Variants in PCDHA9 observed in about 807,000 individuals in gnomAD.
The protein encoded by PCDHA9 is protocadherin alpha-9.
Under a neutral mutation model 62.0 loss-of-function variants are expected in PCDHA9, and 62 were observed. The ratio of observed to expected loss-of-function variants is 1.00; its 90% CI spans 0.81 to 1.23. The LOEUF (loss-of-function observed/expected upper bound fraction) is 1.23, where lower values mean the gene tolerates loss of function less well. PCDHA9 is among the 50% of genes most tolerant of loss of function. The pLI is 0.00. For missense variants in PCDHA9, 1,205 were observed against 1,249.8 expected, an observed-to-expected ratio of 0.96 and a Z score of 0.54; for synonymous variants, 557 against 567.6, an observed-to-expected ratio of 0.98 and a Z score of 0.27.
chr5:140,908,268 A>G (rs1401852970), intron 1 of PCDHA9, among the ~76,000 whole-genome samples: 4 of 152,284 alleles, frequency 2.6e-5, no homozygotes, highest in African/African-American at 9.6e-5. Context: ...GGAACTCCCC[A>G]TGAGGCCATT....
chr5:140,946,609 G>GAA, intron 1 of PCDHA9, among the ~76,000 whole-genome samples: 1 of 68,674 alleles, frequency 1.5e-5, no homozygotes, highest in Non-Finnish European at 2.7e-5. Flanking sequence ...AAGAAAATGT[G>GAA]AAATATATAT....
chr5:140,855,103 T>C lies in PCDHA9; in HGVS notation c.2394+4214T>C. Among the ~76,000 whole-genome samples, 2 of 149,938 alleles carry C rather than the reference T, an allele frequency of 1.3e-5. 1 individual carries two copies. The highest frequency in any genetic ancestry group is 3.0e-5 in the Non-Finnish European group (2 of 67,096). On this transcript the variant is annotated intron_variant, in intron 1 of 3. Coordinates refer to ENST00000532602, the MANE Select transcript of PCDHA9 (RefSeq NM_031857.2). ...CCACTCTCAGCCTGTGCAGTAGCAA[T>C]AATTAAGGCATTCTATAGGTAATAA... is the stretch of plus-strand genomic sequence containing the variant.
intron 1 of PCDHA9, among the ~76,000 whole-genome samples, chr5:140,914,381 T>C (rs192645626): frequency 1.7e-4 from 26 of 152,352 alleles, no homozygotes; most frequent in Admixed American, 2.6e-4. Flanking sequence ...TTATCTGTTA[T>C]AAGTGTAGTT....
At chr5:140,940,194 G>T (rs1455968152) in intron 1 of PCDHA9, among the ~76,000 whole-genome samples, 4 of 152,118 alleles carry the variant, frequency 2.6e-5, no homozygotes, top group East Asian at 1.9e-4. Context: ...TTTTACATGG[G>T]TGTAAAATTC....
chr5:140,869,192 A>T (rs782002128), intron 1 of PCDHA9: 2 of 1,613,882 alleles, frequency 1.2e-6, no homozygotes, highest in East Asian at 4.5e-5. Flanking sequence ...GGGAGCGGCC[A>T]GCTCCACTAC....
chr5:140,851,180 A>C lies in PCDHA9; in HGVS notation c.2394+291A>C, dbSNP rs554158546. 42 of 1,251,052 alleles carry C rather than the reference A, an allele frequency of 3.4e-5. 2 individuals are homozygous for C. In the African/African-American group the frequency reaches 5.9e-4, roughly 18 times the overall value. 77.5% of individuals were successfully genotyped at this position (1,251,052 alleles called of 1,614,324 possible). On this transcript the variant is annotated intron_variant, in intron 1 of 3. Coordinates refer to ENST00000532602, the MANE Select transcript of PCDHA9 (RefSeq NM_031857.2). Reference sequence around the variant, plus strand: ...ATGCTATGCTGCCATAACACTTGAAAACCAATTTAGTTGTTAGTCATTCAT... The same window carrying C: ...ATGCTATGCTGCCATAACACTTGAACACCAATTTAGTTGTTAGTCATTCAT...
At chr5:140,882,086 A>T in intron 1 of PCDHA9, 2 of 1,056,122 alleles carry the variant, frequency 1.9e-6, no homozygotes, top group Non-Finnish European at 2.7e-6. Context: ...GTCGCTCTTC[A>T]CTGAGAACGT....
chr5:140,927,614 A>G (rs1554204810), intron 1 of PCDHA9: 10 of 1,614,204 alleles, frequency 6.2e-6, no homozygotes, highest in South Asian at 1.1e-5. Flanking sequence ...TACCGCACCA[A>G]GGTTCCAGAG....
At chr5:140,892,758 A>G (rs936927643) in intron 1 of PCDHA9, among the ~76,000 whole-genome samples, 2 of 152,210 alleles carry the variant, frequency 1.3e-5, no homozygotes, top group Non-Finnish European at 2.9e-5. Flanking sequence ...AACATTTAAA[A>G]TCCACTCTTC....
chr5:140,929,413 A>G, intron 1 of PCDHA9: 1 of 1,505,438 alleles, frequency 6.6e-7, no homozygotes, highest in Non-Finnish European at 8.9e-7. Context: ...AGCCTTTCAC[A>G]ACATTTCATC....
At chr5:140,980,858 A>T (rs2096908934) in intron 2 of PCDHA9, among the ~76,000 whole-genome samples, 2 of 152,162 alleles carry the variant, frequency 1.3e-5, no homozygotes, top group Admixed American at 1.3e-4. Flanking sequence ...TCTTTTTCGT[A>T]TGTGTGCTTG....
rs1346870417 is a variant in PCDHA9 at position 140,982,634 on chromosome 5, TC to T, written c.2542+72del. 11 of 1,555,302 alleles carry T rather than the reference TC, an allele frequency of 7.1e-6. No homozygotes were observed. In the Admixed American group the frequency reaches 2.2e-4, roughly 30 times the overall value. ...GATCAGATGACCTACTTTTGTAAGATCAGGAATGTTGATGGCTCTTTTTCTT... is the reference window on the plus strand; with the variant it reads ...GATCAGATGACCTACTTTTGTAAGATAGGAATGTTGATGGCTCTTTTTCTT... On this transcript the variant is annotated intron_variant, in intron 3 of 3. Transcript: ENST00000532602.
chr5:140,876,979 G>T lies in PCDHA9; in HGVS notation c.2394+26090G>T. ...GGTGGAGCGGCGGGTGGGCGAGCAC[G>T]CACTGTCGAGCTACGTGTCGGTGCA... On this transcript the variant is annotated intron_variant, in intron 1 of 3. Transcript: ENST00000532602. The T allele has an allele frequency of 2.5e-6, 4 of 1,612,614 alleles. No homozygotes were observed. The South Asian group carries it at 3.3e-5, about 13-fold the overall frequency.
intron 1 of PCDHA9, among the ~76,000 whole-genome samples, chr5:140,945,947 A>C (rs2093865061): frequency 6.6e-6 from 1 of 152,132 alleles, no homozygotes; most frequent in Non-Finnish European, 1.5e-5. Flanking sequence ...TTTTTATATG[A>C]CCCTGAAAGC....
intron 1 of PCDHA9, among the ~76,000 whole-genome samples, chr5:140,921,909 CATG>C (rs1554200522): frequency 6.6e-6 from 1 of 151,678 alleles, no homozygotes; most frequent in Non-Finnish European, 1.5e-5. Context: ...ATATATATTA[CATG>C]ATAAAACTTA....
chr5:140,866,758 A>T (rs1554160534), intron 1 of PCDHA9: 1 of 152,196 alleles, frequency 6.6e-6, no homozygotes, highest in Non-Finnish European at 1.5e-5. Flanking sequence ...CTAACAGGAC[A>T]TACAGGCAGA....
chr5:140,936,337 C>G (rs1226552278), intron 1 of PCDHA9, among the ~76,000 whole-genome samples: 17 of 152,160 alleles, frequency 1.1e-4, no homozygotes, highest in Non-Finnish European at 1.5e-5. Context: ...TTTTCTCTAT[C>G]TGCATATATG....
At chr5:140,890,237 A>G (rs1554184228) in intron 1 of PCDHA9, among the ~76,000 whole-genome samples, 1 of 152,154 alleles carries the variant, frequency 6.6e-6, no homozygotes, top group East Asian at 1.9e-4. Flanking sequence ...TTAAGCATTT[A>G]CCAGTACACT....
rs77078209 is a variant in PCDHA9 at position 140,927,973 on chromosome 5, C to T, written c.2395-50976C>T. ...CGCTGCCCCTGGCACAGTGATTGCT[C>T]TCTTTAGTGTAAAGGATGAAGACCT... On this transcript the variant is annotated intron_variant, in intron 1 of 3. Transcript: ENST00000532602. The T allele has an allele frequency of 1.9e-6, 3 of 1,614,216 alleles. No individual in the cohort carries two copies. The East Asian group carries it at 6.7e-5, about 36-fold the overall frequency.
Sources: allele counts gnomAD v4.1 joint callset (sites outside exome capture counted in the v4.1 genomes callset), GRCh38; gene constraint gnomAD v4.1.1; transcripts MANE v1.5; gene names NCBI Gene and HGNC (gene_info 2026-07-23, HGNC 2026-07-21).